The following JAK2 variants were observed in gnomAD, a reference collection of about 807,000 sequenced individuals.
JAK2 encodes the protein tyrosine-protein kinase JAK2.
JAK2 carries 86 observed loss-of-function variants against 139.3 expected under a neutral mutation model. That is an observed-to-expected ratio of 0.62 (90% CI 0.52 to 0.74). The LOEUF (loss-of-function observed/expected upper bound fraction) is 0.74, where lower values mean the gene tolerates loss of function less well. Among genes scored for constraint, JAK2 ranks in the 30% least tolerant of loss-of-function variants. JAK2 has a pLI of 0.00. For missense variants in JAK2, 1,421 were observed against 1,360.3 expected (o/e 1.04, Z -0.70); for synonymous variants, 490 against 437.7 (o/e 1.12, Z -1.49).
At chr9:5,055,144 G>C (rs1040281757) in intron 7 of JAK2, among the ~76,000 whole-genome samples, 3 of 151,892 alleles carry the variant, frequency 2.0e-5, no homozygotes, top group African/African-American at 7.2e-5. Context: ...TTCTAAAAGT[G>C]ATTTTAAAGG....
chr9:5,028,615 T>A lies in JAK2; in HGVS notation c.227-1168T>A, dbSNP rs150442164. The stretch of plus-strand genomic sequence containing the variant: ...CTTCTTCCAATAGAAGGCTGTTTTG[T>A]CTACACTGAAAATCTATTGTTTATC... On this transcript the variant is annotated intron_variant, in intron 3 of 24. Transcript: ENST00000381652. 8.5e-5 allele frequency among the ~76,000 whole-genome samples: 13 copies of A among 152,370 alleles called. No individual in the cohort carries two copies. The East Asian group carries it at 2.3e-3, about 27-fold the overall frequency.
chr9:5,121,435 G>A (rs935458009), intron 22 of JAK2, among the ~76,000 whole-genome samples: 1 of 152,138 alleles, frequency 6.6e-6, no homozygotes, highest in Admixed American at 6.6e-5. Context: ...TTGCTAATTG[G>A]CTTTATACAA....
chr9:5,039,982 C>T (rs1428740508), intron 4 of JAK2, among the ~76,000 whole-genome samples: 1 of 151,938 alleles, frequency 6.6e-6, no homozygotes, highest in Non-Finnish European at 1.5e-5. Context: ...ATATAAAAAG[C>T]AAAGGGACTT....
At chr9:5,089,005 G>A (rs1820347299) in intron 19 of JAK2, among the ~76,000 whole-genome samples, 1 of 152,238 alleles carries the variant, frequency 6.6e-6, no homozygotes, top group African/African-American at 2.4e-5. Flanking sequence ...GATAGCAAAA[G>A]GTATTTTGTA....
intron 4 of JAK2, among the ~76,000 whole-genome samples, chr9:5,044,161 C>G (rs535539633): frequency 6.6e-6 from 1 of 152,236 alleles, no homozygotes; most frequent in South Asian, 2.1e-4. Context: ...CCTACTATTG[C>G]TTCTACATTT....
At chr9:5,081,631 C>A in intron 18 of JAK2, 94 bp from the exon 19 acceptor site, 1 of 802,492 alleles carries the variant, frequency 1.2e-6, no homozygotes. Context: ...GTATTTTTAA[C>A]TCACGATTAT....
chr9:5,004,101 T>C (rs1192697089), intron 2 of JAK2, among the ~76,000 whole-genome samples: 1 of 152,180 alleles, frequency 6.6e-6, no homozygotes, highest in East Asian at 1.9e-4. Flanking sequence ...TCAGTCTAAT[T>C]AACATATGTA....
At chr9:5,003,876 C>G (rs991585033) in intron 2 of JAK2, among the ~76,000 whole-genome samples, 1 of 151,690 alleles carries the variant, frequency 6.6e-6, no homozygotes, top group African/African-American at 2.4e-5. Flanking sequence ...GCTTTTATTC[C>G]TAGTTTGAGA....
At chr9:5,090,370 A>G (rs1332831844) in intron 20 of JAK2, 76 bp from the exon 21 acceptor site, 1 of 1,077,844 alleles carries the variant, frequency 9.3e-7, no homozygotes, top group Non-Finnish European at 1.3e-6. Flanking sequence ...TAAGTCATTT[A>G]TGTATGATAG....
Position 5,054,691 on chromosome 9 carries a change from G to C in JAK2, c.743G>C (p.Arg248Thr), listed in dbSNP as rs920001853. The C allele has an allele frequency of 5.6e-6, 9 of 1,613,290 alleles. No individual in the cohort carries two copies. The African/African-American group carries it at 1.1e-4, about 19-fold the overall frequency. Residue 248 changes from arginine (R) to threonine (T), a missense_variant, in exon 7 of 25, where the codon AGA becomes ACA. Physicochemically the swap from Arg to Thr is moderately conservative, Grantham distance 71. Coordinates refer to ENST00000381652, the MANE Select transcript of JAK2 (RefSeq NM_004972.4). This position sits in a 1 kb window ranked among gnomAD's most constrained non-coding sequence, Gnocchi z 4.9. ...QQFSQCKATA[R>T]NLKLKYLINL... Reference sequence around the variant, plus strand: ...TTCAGCCAATGCAAAGCCACTGCCAGAAACTTGAAACTTAAGTATCTTATA... The same window carrying C: ...TTCAGCCAATGCAAAGCCACTGCCACAAACTTGAAACTTAAGTATCTTATA...
rs1821685173 is a variant in JAK2 at position 5,103,386 on chromosome 9, A to G, written c.3059+12475A>G. On this transcript the variant is annotated intron_variant, in intron 22 of 24. Coordinates refer to ENST00000381652, the MANE Select transcript of JAK2 (RefSeq NM_004972.4). ...GAAGAGCTAACTATACTAAATATAT[A>G]GGTACCCAATACAGCAGCACCAAGA... is the stretch of plus-strand genomic sequence containing the variant. Among the ~76,000 whole-genome samples, 2 of 151,840 alleles carry G rather than the reference A, an allele frequency of 1.3e-5. 1 individual carries two copies. Among genetic ancestry groups the G allele is most frequent in the South Asian group, 4.1e-4 (2 of 4,830 alleles).
rs556394713 is a variant in JAK2 at position 5,061,308 on chromosome 9, G to C, written c.1057-3575G>C. On this transcript the variant is annotated intron_variant, in intron 8 of 24. Transcript: ENST00000381652. ...AAGCACTGACTTCTCCTCTCTAGCT[G>C]TGGAAGTCCTAGATGGCATATTCTT... Among the ~76,000 whole-genome samples, 38 of 152,320 alleles carry C rather than the reference G, an allele frequency of 2.5e-4. No homozygotes were observed. In the South Asian group the frequency reaches 6.8e-3, roughly 27 times the overall value.
intron 14 of JAK2, among the ~76,000 whole-genome samples, chr9:5,075,201 G>C (rs953984973): frequency 5.9e-5 from 9 of 151,764 alleles, no homozygotes; most frequent in Non-Finnish European, 1.0e-4. Context: ...TAAGTGCAAG[G>C]TGAAGCAGCA....
intron 2 of JAK2, among the ~76,000 whole-genome samples, chr9:5,000,968 G>C (rs904516312): frequency 6.6e-6 from 1 of 152,112 alleles, no homozygotes; most frequent in African/African-American, 2.4e-5. Flanking sequence ...AAATTCCCAA[G>C]ATAGCAAAGC....
chr9:5,061,405 A>C (rs12351277), intron 8 of JAK2, among the ~76,000 whole-genome samples: 38,346 of 152,072 alleles, frequency 0.25, 5,032 homozygotes, highest in South Asian at 0.31. Flanking sequence ...AATGGTCCTT[A>C]CTAGATCTTC....
intron 10 of JAK2, among the ~76,000 whole-genome samples, chr9:5,067,815 T>C (rs1818670641): frequency 1.3e-5 from 2 of 152,116 alleles, no homozygotes; most frequent in Admixed American, 1.3e-4. Flanking sequence ...ATTGTAATTA[T>C]CTAGCATAGG....
intron 20 of JAK2, 139 bp from the exon 21 acceptor site, chr9:5,090,307 A>C (rs935480849): frequency 7.7e-6 from 4 of 518,078 alleles, no homozygotes; most frequent in Non-Finnish European, 1.2e-5. Context: ...CTTAACAACT[A>C]TATCACCTTT....
At chr9:5,111,599 C>G (rs1249606064) in intron 22 of JAK2, 1 of 368,652 alleles carries the variant, frequency 2.7e-6, no homozygotes, top group Non-Finnish European at 5.3e-6. Flanking sequence ...CTGGAGTTCC[C>G]TGGGCCAGGT....
chr9:5,021,371 C>A (rs1172082240), intron 2 of JAK2, among the ~76,000 whole-genome samples: 2 of 152,156 alleles, frequency 1.3e-5, no homozygotes, highest in South Asian at 4.1e-4. Flanking sequence ...CTTCTGTTGT[C>A]TGTAACTGAG....
Sources: gnomAD v4.1 joint callset for allele counts (sites outside exome capture counted in the v4.1 genomes callset) on GRCh38, gnomAD v4.1.1 for gene constraint, Gnocchi (gnomAD v3.1) non-coding constraint, MANE v1.5 for transcripts, NCBI Gene and HGNC (gene_info 2026-07-23, HGNC 2026-07-21) for gene names.